The following DTD1 variants were observed in gnomAD, a reference collection of about 807,000 sequenced individuals.
The protein encoded by DTD1 is D-tyrosyl-tRNA deacylase 1 homolog.
DTD1 carries 13 observed loss-of-function variants against 25.6 expected under a neutral mutation model. The observed-to-expected ratio is 0.51, with a 90% CI of 0.33 to 0.81. DTD1 has a LOEUF of 0.81. Among genes scored for constraint, DTD1 ranks in the 30% least tolerant of loss-of-function variants. The probability of loss-of-function intolerance (pLI) is 0.02; values close to 1 mark genes in which losing one functional copy is unlikely to be tolerated. For missense variants in DTD1, 193 were observed against 266.4 expected, an observed-to-expected ratio of 0.72 and a Z score of 1.92; for synonymous variants, 110 against 103.6, an observed-to-expected ratio of 1.06 and a Z score of -0.37.
At chr20:18,632,085 A>G (rs1180073979) in intron 4 of DTD1, 6 of 913,534 alleles carry the variant, frequency 6.6e-6, no homozygotes, top group Non-Finnish European at 7.8e-6. Context: ...CATGTAATTT[A>G]CTTGACTGTA....
rs190280512 is a variant in DTD1, at chr20:18,627,976, A to G, written c.371-151A>G. On this transcript the variant is annotated intron_variant, in intron 3 of 5. Coordinates refer to ENST00000377452, the MANE Select transcript of DTD1 (RefSeq NM_080820.6). ...TGTGAGGCCTTCCCAGCCGTGAGGA[A>G]CTGTGAGTCCGTTAAACCTCTTTCT... The G allele has an allele frequency of 2.8e-5, 17 of 611,904 alleles. No homozygotes were observed. In the African/African-American group the frequency reaches 3.0e-4, roughly 11 times the overall value. The allele number at this position is 611,904 out of a possible 1,614,324, so 37.9% of individuals were successfully genotyped here. A position where few individuals can be genotyped will look rare whatever the true frequency, so the allele number is the denominator to read the frequency against.
At chr20:18,678,172 G>C (rs2060983396) in intron 4 of DTD1, among the ~76,000 whole-genome samples, 1 of 152,384 alleles carries the variant, frequency 6.6e-6, no homozygotes, top group South Asian at 2.1e-4. Context: ...GAAACTGCTT[G>C]TGTACTGGAG....
At chr20:18,666,772 A>G (rs2060932799) in intron 4 of DTD1, among the ~76,000 whole-genome samples, 1 of 152,192 alleles carries the variant, frequency 6.6e-6, no homozygotes, top group Non-Finnish European at 1.5e-5. Flanking sequence ...AGCAACATGG[A>G]AAATAGTTTT....
chr20:18,652,932 A>C (rs6136454), intron 4 of DTD1, among the ~76,000 whole-genome samples: 21,977 of 152,136 alleles, frequency 0.14, 1,702 homozygotes, highest in Admixed American at 0.2. Flanking sequence ...ACTAAATGGC[A>C]CTGGGGAATA....
chr20:18,628,252 G>T lies in DTD1; in HGVS notation c.477+19G>T. The stretch of plus-strand genomic sequence containing the variant: ...AAAGCAGGTAAGCCTGGAGTCTGGT[G>T]CCTGGCTCCGTCCCTTGGGTGCCTG... On this transcript the variant is annotated intron_variant, in intron 4 of 5. Transcript: ENST00000377452. The T allele has an allele frequency of 6.3e-7, 1 of 1,597,002 alleles. No homozygotes were observed. The highest frequency in any genetic ancestry group is 8.6e-7 in the Non-Finnish European group (1 of 1,165,010).
chr20:18,719,519 C>G (rs1028445205), intron 4 of DTD1, among the ~76,000 whole-genome samples: 1 of 152,216 alleles, frequency 6.6e-6, no homozygotes, highest in African/African-American at 2.4e-5. Context: ...CACATTATGG[C>G]AAACCTAGTG....
At chr20:18,644,822 C>G (rs1357910003) in intron 4 of DTD1, among the ~76,000 whole-genome samples, 2 of 152,090 alleles carry the variant, frequency 1.3e-5, no homozygotes, top group African/African-American at 4.8e-5. Flanking sequence ...GGAAAGGAAT[C>G]AGGTCAGAGC....
chr20:18,660,722 A>G, intron 4 of DTD1, among the ~76,000 whole-genome samples: 1 of 152,218 alleles, frequency 6.6e-6, no homozygotes, highest in East Asian at 1.9e-4. Flanking sequence ...TTGACTAGAT[A>G]AAAATTAACC....
chr20:18,640,078 T>A (rs1460551987), intron 4 of DTD1, among the ~76,000 whole-genome samples: 2 of 151,864 alleles, frequency 1.3e-5, no homozygotes, highest in Non-Finnish European at 1.5e-5. Flanking sequence ...AGTTTCATGT[T>A]GTCCCTTTGC....
At chr20:18,744,407 A>G in intron 5 of DTD1, 136 bp downstream of exon 5, 2 of 942,236 alleles carry the variant, frequency 2.1e-6, no homozygotes, top group Non-Finnish European at 3.1e-6. Flanking sequence ...GCTGCCTTCC[A>G]GGATGGAGAC....
intron 3 of DTD1, among the ~76,000 whole-genome samples, chr20:18,608,012 CCTGT>C (rs2060668887): frequency 6.6e-6 from 1 of 152,188 alleles, no homozygotes; most frequent in African/African-American, 2.4e-5. Flanking sequence ...CTGCACCCAG[CCTGT>C]CTATTTCTTC....
chr20:18,717,537 C>A (rs2061186016), intron 4 of DTD1, among the ~76,000 whole-genome samples: 1 of 152,158 alleles, frequency 6.6e-6, no homozygotes, highest in African/African-American at 2.4e-5. Flanking sequence ...AACTTTTTCT[C>A]AATTTTTCCA....
intron 4 of DTD1, among the ~76,000 whole-genome samples, chr20:18,639,631 C>T (rs936680779): frequency 2.6e-5 from 4 of 152,144 alleles, no homozygotes; most frequent in African/African-American, 4.8e-5. Flanking sequence ...GCTCCACCAT[C>T]GCAATTATTT....
rs2061219557 is a variant in DTD1, at chr20:18,725,393, G to A, written c.478-18707G>A. Reference sequence around the variant, plus strand: ...GTGTCTGAGCCCCAAGTCTTGAGTCGAGTCCCACCTCCTACCTCAGAATGG... The same window carrying A: ...GTGTCTGAGCCCCAAGTCTTGAGTCAAGTCCCACCTCCTACCTCAGAATGG... On this transcript the variant is annotated intron_variant, in intron 4 of 5. Coordinates refer to ENST00000377452, the MANE Select transcript of DTD1 (RefSeq NM_080820.6). Among the ~76,000 whole-genome samples, 4 of 152,268 alleles carry A rather than the reference G, an allele frequency of 2.6e-5. No homozygotes were observed. The East Asian group carries it at 7.7e-4, about 29-fold the overall frequency.
chr20:18,594,920 A>G (rs1171430837), intron 2 of DTD1, among the ~76,000 whole-genome samples: 1 of 152,216 alleles, frequency 6.6e-6, no homozygotes, highest in Admixed American at 6.5e-5. Flanking sequence ...GGGGGTAATG[A>G]GTAGCACCTG....
intron 4 of DTD1, among the ~76,000 whole-genome samples, chr20:18,676,145 A>G (rs1364481853): frequency 6.6e-6 from 1 of 152,160 alleles, no homozygotes; most frequent in African/African-American, 2.4e-5. Flanking sequence ...CATGTAGCCC[A>G]GGTTGATGCT....
Position 18,763,611 on chromosome 20 carries a change from T to A in DTD1, c.*271T>A, listed in dbSNP as rs2061371291. The A allele has an allele frequency of 6.6e-6, 1 of 152,640 alleles. No individual in the cohort carries two copies. The highest frequency in any genetic ancestry group is 1.5e-5 in the Non-Finnish European group (1 of 68,040). The allele number at this position is 152,640 out of a possible 1,614,324, so 9.5% of individuals were successfully genotyped here. A position where few individuals can be genotyped will look rare whatever the true frequency, so the allele number is the denominator to read the frequency against. On this transcript the variant is annotated 3_prime_UTR_variant, in exon 6 of 6. Transcript: ENST00000377452. ...GTGGTAGAAGGTGTGCGCTCGTGCC[T>A]CCCCCACAGAAAGGCTTTGTTGGTT...
chr20:18,758,419 AT>A (rs1186809606), intron 5 of DTD1, among the ~76,000 whole-genome samples: 3 of 151,392 alleles, frequency 2.0e-5, no homozygotes, highest in Non-Finnish European at 2.9e-5. Context: ...AGTGGTATAA[AT>A]TTCCCTCTAC....
rs192501811 is a variant in DTD1 at position 18,626,239 on chromosome 20, G to A, written c.371-1888G>A. 3.3e-5 allele frequency among the ~76,000 whole-genome samples: 5 copies of A among 152,300 alleles called. No homozygotes were observed. The East Asian group carries it at 9.6e-4, about 29-fold the overall frequency. On this transcript the variant is annotated intron_variant, in intron 3 of 5. Transcript: ENST00000377452. ...GTCCTGTTGCACCAGAACAAACTGG[G>A]GCCCGGAGAGGTGGTGTGAGCCTTC...
Sources: allele counts gnomAD v4.1 joint callset (sites outside exome capture counted in the v4.1 genomes callset), GRCh38; gene constraint gnomAD v4.1.1; transcripts MANE v1.5; gene names NCBI Gene and HGNC (gene_info 2026-07-23, HGNC 2026-07-21).